TP53BP1: variants seen among roughly 807,000 people sequenced by gnomAD.
The protein encoded by TP53BP1 is tumor protein p53 binding protein 1, also known as TP53-binding protein 1.
In TP53BP1, 61 loss-of-function variants were observed where a neutral mutation model predicts 200.8. The observed-to-expected ratio is 0.30, with a 90% CI of 0.25 to 0.38. The LOEUF is 0.38. Among genes scored for constraint, TP53BP1 ranks in the 10% least tolerant of loss-of-function variants. The pLI, the probability that TP53BP1 is intolerant of heterozygous loss-of-function variation, is 1.00. For synonymous variants in TP53BP1, 822 were observed against 844.3 expected (o/e 0.97, Z 0.46); for missense variants, 2,144 against 2,371.9 (o/e 0.90, Z 2.00).
intron 15 of TP53BP1, among the ~76,000 whole-genome samples, chr15:43,439,480 G>C (rs978761672): frequency 3.3e-5 from 5 of 152,142 alleles, no homozygotes; most frequent in African/African-American, 1.2e-4. Context: ...AGGCTGCAGT[G>C]AACTGTGATT....
Position 43,432,617 on chromosome 15 carries a change from A to T in TP53BP1, c.3252T>A (p.Gly1084=). 2 of 1,611,566 alleles carry T rather than the reference A, an allele frequency of 1.2e-6. No individual in the cohort carries two copies. Among genetic ancestry groups the T allele is most frequent in the South Asian group, 2.2e-5 (2 of 90,988 alleles). The change falls in exon 17 of 28, where the codon GGT becomes GGA. Residue 1084 remains glycine (G), a synonymous_variant. Coordinates refer to ENST00000382044, the MANE Select transcript of TP53BP1 (RefSeq NM_001141980.3). ...GTTGACTCTGCCTGATTGTATGGTC[A>T]CCCTCCAATTTTTCTTTCTCCTCTT... ...QGEEEKEKLE[G]DHTIRQSQQP... is the part of the protein sequence containing the mutation.
chr15:43,443,185 T>C (rs973150495), intron 14 of TP53BP1, among the ~76,000 whole-genome samples: 6 of 151,906 alleles, frequency 3.9e-5, no homozygotes, highest in African/African-American at 1.2e-4. Context: ...TCTGCCCATA[T>C]AAGAAGTTAA....
At position 43,420,337 on chromosome 15, in the gene TP53BP1, G is replaced by A. The variant is rs756376679; in HGVS notation, c.4649C>T (p.Thr1550Met). The A allele has an allele frequency of 3.7e-6, 6 of 1,613,918 alleles. No individual in the cohort carries two copies. Among genetic ancestry groups the A allele is most frequent in the Non-Finnish European group, 5.1e-6 (6 of 1,179,884 alleles). The change falls in exon 21 of 28, where the codon ACG (threonine) becomes ATG (methionine). Residue 1550 changes from threonine to methionine, a missense_variant. Transcript: ENST00000382044. ...CDPIPLDTEV[T>M]ALSEDEYFSA... ...GAAATACTCATCCTCCGAGAGGGCCGTCACTTCAGTGTCCAGCGGGATGGG... is the reference window on the plus strand; with the variant it reads ...GAAATACTCATCCTCCGAGAGGGCCATCACTTCAGTGTCCAGCGGGATGGG...
At chr15:43,488,400 T>C (rs2079075567) in intron 4 of TP53BP1, among the ~76,000 whole-genome samples, 1 of 152,106 alleles carries the variant, frequency 6.6e-6, no homozygotes, top group Non-Finnish European at 1.5e-5. Flanking sequence ...GATTAATGGC[T>C]GCCAGGGGTT....
chr15:43,441,697 T>A, intron 14 of TP53BP1, 114 bp from the exon 15 acceptor site: 1 of 666,760 alleles, frequency 1.5e-6, no homozygotes, highest in Non-Finnish European at 2.7e-6. Context: ...CAAAAAGAAA[T>A]AAAAATAAGT....
intron 14 of TP53BP1, among the ~76,000 whole-genome samples, chr15:43,446,091 G>T (rs530952152): frequency 1.3e-5 from 2 of 152,064 alleles, no homozygotes; most frequent in African/African-American, 4.8e-5. Flanking sequence ...ACATTAATCT[G>T]CAATGTGAAT....
chr15:43,510,191 A>G (rs1230260440), intron 1 of TP53BP1, among the ~76,000 whole-genome samples: 2 of 151,120 alleles, frequency 1.3e-5, no homozygotes, highest in Non-Finnish European at 3.0e-5. Context: ...GGGGGAAGTA[A>G]TACAACAGTC....
Position 43,406,506 on chromosome 15 carries a change from A to G in TP53BP1, c.*877T>C, listed in dbSNP as rs983350643. 3 of 445,022 alleles carry G rather than the reference A, an allele frequency of 6.7e-6. No homozygotes were observed. Among genetic ancestry groups the G allele is most frequent in the African/African-American group, 6.1e-5 (3 of 49,560 alleles). 27.6% of individuals were successfully genotyped at this position (445,022 alleles called of 1,614,324 possible). ...ATGCCCATTTGTTTACTCATTGTCT[A>G]TGGTTGCTTTCATGCCCTCACAGCA... On this transcript the variant is annotated 3_prime_UTR_variant, in exon 28 of 28. Transcript: ENST00000382044.
At chr15:43,423,687 CTG>C (rs1310293516) in intron 18 of TP53BP1, among the ~76,000 whole-genome samples, 2 of 151,654 alleles carry the variant, frequency 1.3e-5, no homozygotes, top group Admixed American at 6.6e-5. Context: ...CATGGGGAGA[CTG>C]TATATAATGA....
chr15:43,481,539 G>A (rs1419304916), intron 4 of TP53BP1, among the ~76,000 whole-genome samples: 3 of 150,814 alleles, frequency 2.0e-5, no homozygotes, highest in African/African-American at 4.9e-5. Context: ...AGTCTGGGCC[G>A]GGCACAGTGG....
chr15:43,438,678 A>G (rs952568516), intron 15 of TP53BP1, among the ~76,000 whole-genome samples: 1 of 150,194 alleles, frequency 6.7e-6, no homozygotes, highest in Non-Finnish European at 1.5e-5. Flanking sequence ...CAGAATGTAG[A>G]AAACCATACA....
At chr15:43,474,266 A>G (rs1193478805) in intron 10 of TP53BP1, among the ~76,000 whole-genome samples, 2 of 152,130 alleles carry the variant, frequency 1.3e-5, no homozygotes, top group African/African-American at 4.8e-5. Flanking sequence ...CTCTCCCTGC[A>G]CGCCTCCCTG....
Position 43,472,731 on chromosome 15 carries a change from C to T in TP53BP1, c.1180+1942G>A, listed in dbSNP as rs928906567. On this transcript the variant is annotated intron_variant, in intron 10 of 27. Transcript: ENST00000382044. ...TTAATAAGTCCAGTTCTTCCCCATA[C>T]TAATTCATTTCAGTTCAACTTTAAA... Among the ~76,000 whole-genome samples the T allele has an allele frequency of 2.6e-5, 4 of 152,224 alleles. No homozygotes were observed. The South Asian group carries it at 6.2e-4, about 24-fold the overall frequency.
chr15:43,499,787 T>C (rs1043819019), intron 1 of TP53BP1, among the ~76,000 whole-genome samples: 1 of 152,230 alleles, frequency 6.6e-6, no homozygotes, highest in Non-Finnish European at 1.5e-5. Context: ...AGGTACCATT[T>C]TGGCTCCATG....
chr15:43,475,176 A>C (rs45489293), intron 9 of TP53BP1, among the ~76,000 whole-genome samples: 2 of 152,202 alleles, frequency 1.3e-5, no homozygotes, highest in African/African-American at 4.8e-5. Flanking sequence ...AACAAAAAAA[A>C]CCAACAAGCG....
Position 43,408,975 on chromosome 15 carries a change from T to C in TP53BP1, c.5522A>G (p.His1841Arg), listed in dbSNP as rs1302776154. ...VSHVWVHDSC[H>R]ANQLQNYRNY... Reference sequence around the variant, plus strand: ...ACGGTAGTTCTGGAGCTGGTTGGCATGGCAACTATCATGGACCCAGACATG... The same window carrying C: ...ACGGTAGTTCTGGAGCTGGTTGGCACGGCAACTATCATGGACCCAGACATG... The change falls in exon 26 of 28, where the codon CAT (histidine) becomes CGT (arginine). Residue 1841 changes from histidine to arginine, a missense_variant. By Grantham distance (29) the His-to-Arg change is conservative (BLOSUM62 0). Coordinates refer to ENST00000382044, the MANE Select transcript of TP53BP1 (RefSeq NM_001141980.3). 6 of 1,614,216 alleles carry C rather than the reference T, an allele frequency of 3.7e-6. No individual in the cohort carries two copies. The highest frequency in any genetic ancestry group is 4.2e-6 in the Non-Finnish European group (5 of 1,180,048).
At chr15:43,407,910 G>C (rs767889745) in intron 27 of TP53BP1, 33 bp downstream of exon 27, 10 of 1,595,220 alleles carry the variant, frequency 6.3e-6, no homozygotes, top group Non-Finnish European at 8.5e-6. Context: ...GAGATCCCTG[G>C]AACAAAGACA....
intron 18 of TP53BP1, 48 bp downstream of exon 18, chr15:43,427,968 A>G: frequency 1.4e-6 from 2 of 1,420,058 alleles, no homozygotes; most frequent in Non-Finnish European, 1.9e-6. Context: ...AAAAAAAAAA[A>G]AAAAAGAAAG....
chr15:43,432,979 T>C (rs544513727), intron 16 of TP53BP1, among the ~76,000 whole-genome samples: 5 of 151,996 alleles, frequency 3.3e-5, no homozygotes, highest in African/African-American at 9.7e-5. Flanking sequence ...TGCAGGAAAA[T>C]GAAGTAAACA....
Sources: gnomAD v4.1 joint callset for allele counts (sites outside exome capture counted in the v4.1 genomes callset) on GRCh38, gnomAD v4.1.1 for gene constraint, MANE v1.5 for transcripts, NCBI Gene and HGNC (gene_info 2026-07-23, HGNC 2026-07-21) for gene names.